The following ATP6V0A4 variants were observed in gnomAD, a reference collection of about 807,000 sequenced individuals.
The protein encoded by ATP6V0A4 is V-type proton ATPase 116 kDa subunit a 4.
ATP6V0A4 carries 86 observed loss-of-function variants against 107.3 expected under a neutral mutation model. The observed-to-expected ratio is 0.80, with a 90% confidence interval of 0.67 to 0.96. The LOEUF (loss-of-function observed/expected upper bound fraction) is 0.96, where lower values mean the gene tolerates loss of function less well. ATP6V0A4 is among the 40% of genes least tolerant of loss of function. The pLI is 0.00. For missense variants in ATP6V0A4, 908 were observed against 1,045.6 expected, an observed-to-expected ratio of 0.87 and a Z score of 1.81; for synonymous variants, 353 against 381.4, an observed-to-expected ratio of 0.93 and a Z score of 0.87.
intron 14 of ATP6V0A4, among the ~76,000 whole-genome samples, chr7:138,741,847 A>T (rs115539352): frequency 6.0e-4 from 92 of 152,370 alleles, no homozygotes; most frequent in Middle Eastern, 3.4e-3. Context: ...GACCAGAATC[A>T]GCTCACTGTG....
intron 12 of ATP6V0A4, among the ~76,000 whole-genome samples, chr7:138,748,123 C>T (rs1440968340): frequency 6.7e-6 from 1 of 149,286 alleles, no homozygotes; most frequent in Non-Finnish European, 1.5e-5. Context: ...AGTGACTTGT[C>T]AAAAATCACA....
chr7:138,745,425 G>A (rs1488360005), intron 13 of ATP6V0A4, 145 bp from the exon 14 acceptor site: 2 of 1,189,746 alleles, frequency 1.7e-6, no homozygotes, highest in African/African-American at 1.5e-5. Context: ...CAATCATCCA[G>A]ACAGGAAGAG....
At chr7:138,793,930 ATGG>A (rs140032347) in intron 1 of ATP6V0A4, among the ~76,000 whole-genome samples, 2,195 of 152,290 alleles carry the variant, frequency 0.014, 63 homozygotes, top group African/African-American at 0.05. Context: ...ATTATTCCAA[ATGG>A]TGGACTCCAG....
intron 2 of ATP6V0A4, among the ~76,000 whole-genome samples, chr7:138,771,786 G>T (rs760616400): frequency 1.1e-4 from 17 of 152,030 alleles, no homozygotes; most frequent in Non-Finnish European, 1.9e-4. Context: ...CACCCAGCTA[G>T]TTGTTTTATT....
At chr7:138,788,474 G>A (rs946472906) in intron 1 of ATP6V0A4, among the ~76,000 whole-genome samples, 29 of 152,162 alleles carry the variant, frequency 1.9e-4, no homozygotes, top group African/African-American at 6.5e-4. Flanking sequence ...CTAACCCACA[G>A]AAGAGCTGGC....
chr7:138,729,272 A>G (rs1804869359), intron 17 of ATP6V0A4, among the ~76,000 whole-genome samples: 1 of 152,218 alleles, frequency 6.6e-6, no homozygotes, highest in South Asian at 2.1e-4. Context: ...ACTCGGTGGT[A>G]CTCAAAAGTC....
At chr7:138,792,098 G>A (rs1808438995) in intron 1 of ATP6V0A4, among the ~76,000 whole-genome samples, 1 of 152,240 alleles carries the variant, frequency 6.6e-6, no homozygotes, top group South Asian at 2.1e-4. Flanking sequence ...CACGAGGTCA[G>A]GAGATCGAGA....
intron 18 of ATP6V0A4, among the ~76,000 whole-genome samples, chr7:138,725,389 A>G (rs1804655491): frequency 6.6e-6 from 1 of 152,252 alleles, no homozygotes; most frequent in Non-Finnish European, 1.5e-5. Flanking sequence ...GATAGATCCC[A>G]AAGAAGACAT....
intron 20 of ATP6V0A4, among the ~76,000 whole-genome samples, chr7:138,715,334 AGAGTT>A (rs1803982585): frequency 6.6e-6 from 1 of 152,112 alleles, no homozygotes; most frequent in South Asian, 2.1e-4. Context: ...CCGAGTAGCT[AGAGTT>A]ACAGGCACCC....
At chr7:138,787,897 G>C (rs547456972) in intron 1 of ATP6V0A4, among the ~76,000 whole-genome samples, 1 of 152,264 alleles carries the variant, frequency 6.6e-6, no homozygotes, top group African/African-American at 2.4e-5. Flanking sequence ...TACTCAGGAG[G>C]CTGAGGCAGG....
intron 21 of ATP6V0A4, among the ~76,000 whole-genome samples, chr7:138,707,353 A>ATATAT (rs1344607403): frequency 9.3e-6 from 1 of 107,886 alleles, no homozygotes; most frequent in Non-Finnish European, 1.7e-5. Flanking sequence ...ATATTATAAT[A>ATATAT]TATATTATAT....
At chr7:138,726,102 G>C (rs1192828399) in intron 18 of ATP6V0A4, among the ~76,000 whole-genome samples, 3 of 152,048 alleles carry the variant, frequency 2.0e-5, no homozygotes, top group Non-Finnish European at 2.9e-5. Flanking sequence ...CCATTCTCCT[G>C]CCTCAGCCTC....
intron 19 of ATP6V0A4, among the ~76,000 whole-genome samples, chr7:138,718,465 G>T (rs374981368): frequency 9.2e-6 from 1 of 108,468 alleles, no homozygotes; most frequent in Admixed American, 9.5e-5. Context: ...GAAGGAATGG[G>T]GGGGATGGCG....
intron 1 of ATP6V0A4, among the ~76,000 whole-genome samples, chr7:138,794,721 C>T (rs1808576141): frequency 6.6e-6 from 1 of 151,920 alleles, no homozygotes; most frequent in Admixed American, 6.6e-5. Context: ...GATATGCGCT[C>T]CAAAGTAAAC....
chr7:138,776,663 T>C (rs1807671086), intron 2 of ATP6V0A4, among the ~76,000 whole-genome samples: 1 of 152,116 alleles, frequency 6.6e-6, no homozygotes, highest in Non-Finnish European at 1.5e-5. Context: ...AACGTCTGGG[T>C]GCTCAGAAAC....
At chr7:138,790,218 CT>C (rs1428534285) in intron 1 of ATP6V0A4, among the ~76,000 whole-genome samples, 2 of 152,008 alleles carry the variant, frequency 1.3e-5, no homozygotes, top group African/African-American at 4.8e-5. Context: ...TTATATCCTG[CT>C]TTTCTGTTTT....
Position 138,706,675 on chromosome 7 carries a change from C to T in ATP6V0A4, c.2472G>A (p.Lys824=). ...QNKFYVGDGY[K]FSPFSFKHIL... ...TGTGTTTAAAGGAGAATGGAGAAAA[C>T]TTGTAACCATCCCCGACATAGAACT... The change falls in exon 22 of 22, where the codon AAG becomes AAA. Residue 824 remains lysine, a synonymous_variant. Transcript: ENST00000310018. The T allele has an allele frequency of 1.2e-6, 2 of 1,613,924 alleles. No individual in the cohort carries two copies. The highest frequency in any genetic ancestry group is 1.3e-5 in the African/African-American group (1 of 75,004).
intron 15 of ATP6V0A4, among the ~76,000 whole-genome samples, chr7:138,735,845 G>T (rs1422197718): frequency 7.5e-5 from 2 of 26,796 alleles, no homozygotes; most frequent in African/African-American, 3.5e-4. Context: ...GCTCACGCTT[G>T]TAATCCTACC....
chr7:138,790,608 T>A (rs1808366235), intron 1 of ATP6V0A4, among the ~76,000 whole-genome samples: 1 of 152,208 alleles, frequency 6.6e-6, no homozygotes, highest in African/African-American at 2.4e-5. Flanking sequence ...AAAACGGTTT[T>A]AATAGCTACC....
Sources: gnomAD v4.1 joint callset for allele counts (sites outside exome capture counted in the v4.1 genomes callset) on GRCh38, gnomAD v4.1.1 for gene constraint, MANE v1.5 for transcripts, NCBI Gene and HGNC (gene_info 2026-07-23, HGNC 2026-07-21) for gene names.